RIC1: variants seen among roughly 807,000 people sequenced by gnomAD.
RIC1 encodes RIC1 partner of RAB6A GEF complex.
Under a neutral mutation model 169.0 loss-of-function variants are expected in RIC1, and 88 were observed. The observed-to-expected ratio is 0.52, with a 90% CI of 0.44 to 0.62. The LOEUF (loss-of-function observed/expected upper bound fraction) is 0.62. RIC1 is among the 20% of genes least tolerant of loss of function. The probability of loss-of-function intolerance (pLI) is 0.00; values close to 1 mark genes in which losing one functional copy is unlikely to be tolerated. For missense variants in RIC1, 1,877 were observed against 1,725.5 expected (o/e 1.09, Z -1.56); for synonymous variants, 790 against 601.5 (o/e 1.31, Z -4.59).
chr9:5,662,226 T>G (rs1186960938), intron 2 of RIC1, among the ~76,000 whole-genome samples: 2 of 152,090 alleles, frequency 1.3e-5, no homozygotes, highest in Admixed American at 6.6e-5. Flanking sequence ...TACTGGATAT[T>G]TGCCAGTATT....
intron 2 of RIC1, among the ~76,000 whole-genome samples, chr9:5,669,870 C>T (rs1022007491): frequency 6.6e-6 from 1 of 152,094 alleles, no homozygotes; most frequent in South Asian, 2.1e-4. Flanking sequence ...TGAAGACAGA[C>T]CAGGGTGATC....
At chr9:5,685,934 A>C (rs1821190634) in intron 2 of RIC1, among the ~76,000 whole-genome samples, 1 of 151,396 alleles carries the variant, frequency 6.6e-6, no homozygotes, top group Non-Finnish European at 1.5e-5. Context: ...TTACAAGAAA[A>C]AAACAAACAA....
At chr9:5,737,721 C>G (rs1056070721) in intron 7 of RIC1, among the ~76,000 whole-genome samples, 8 of 151,730 alleles carry the variant, frequency 5.3e-5, no homozygotes, top group African/African-American at 1.9e-4. Context: ...AGACTTTTAA[C>G]TACTAATAGC....
chr9:5,775,224 G>GTCC lies in RIC1; in HGVS notation c.*978_*979insTCC, dbSNP rs1827516240. The GTCC allele has an allele frequency of 1.3e-5, 2 of 152,214 alleles. No individual in the cohort carries two copies. Among genetic ancestry groups the GTCC allele is most frequent in the Admixed American group, 6.5e-5 (1 of 15,278 alleles). 9.4% of individuals were successfully genotyped at this position (152,214 alleles called of 1,614,324 possible). A position where few individuals can be genotyped will look rare whatever the true frequency, so the allele number is the denominator to read the frequency against. ...TTATTGCTTTTGTAAATTGAATAAA[G>GTCC]ATGGACTTCTATGTAAATAGACTGC... On this transcript the variant is annotated 3_prime_UTR_variant, in exon 26 of 26. Transcript: ENST00000414202.
chr9:5,650,367 A>T (rs1427736077), intron 1 of RIC1, among the ~76,000 whole-genome samples: 1 of 151,914 alleles, frequency 6.6e-6, no homozygotes, highest in African/African-American at 2.4e-5. Context: ...TCCAATCTCT[A>T]TGCTTGGGCC....
At chr9:5,732,694 T>C (rs1378898105) in intron 7 of RIC1, among the ~76,000 whole-genome samples, 2 of 152,316 alleles carry the variant, frequency 1.3e-5, no homozygotes, top group Middle Eastern at 3.4e-3. Flanking sequence ...TGTTAATTTG[T>C]AAAAGTTAGC....
intron 1 of RIC1, among the ~76,000 whole-genome samples, chr9:5,654,182 T>A (rs1818957555): frequency 6.6e-6 from 1 of 151,860 alleles, no homozygotes; most frequent in African/African-American, 2.4e-5. Context: ...TATTGTTTTG[T>A]TTGTAGAGAC....
chr9:5,713,665 T>C (rs180919001), intron 3 of RIC1: 4 of 301,856 alleles, frequency 1.3e-5, no homozygotes, highest in Middle Eastern at 9.5e-4. Flanking sequence ...TTCTCTGCTC[T>C]TCTTCCCACC....
At chr9:5,733,380 C>T (rs1824491901) in intron 7 of RIC1, among the ~76,000 whole-genome samples, 1 of 151,646 alleles carries the variant, frequency 6.6e-6, no homozygotes, top group African/African-American at 2.4e-5. Flanking sequence ...TCTCCTGCCT[C>T]AGCCTCCCGA....
chr9:5,653,684 G>A lies in RIC1; in HGVS notation c.145-2899G>A, dbSNP rs537288795. ...GCAGTCTTGGCTCACTGCAGCCTCC[G>A]TCTCCTGGGTTCAAGTGATTCTCCT... On this transcript the variant is annotated intron_variant, in intron 1 of 25. Coordinates refer to ENST00000414202, the MANE Select transcript of RIC1 (RefSeq NM_020829.4). Among the ~76,000 whole-genome samples the A allele has an allele frequency of 5.3e-4, 81 of 151,814 alleles. 1 individual carries two copies. Among genetic ancestry groups the A allele is most frequent in the Admixed American group, 1.1e-3 (16 of 15,230 alleles).
chr9:5,637,320 C>T (rs942805671), intron 1 of RIC1, among the ~76,000 whole-genome samples: 1 of 152,104 alleles, frequency 6.6e-6, no homozygotes, highest in Non-Finnish European at 1.5e-5. Context: ...CCATCCACCT[C>T]GGGCTCCCAA....
chr9:5,653,335 T>A (rs1039034418), intron 1 of RIC1, among the ~76,000 whole-genome samples: 4 of 152,200 alleles, frequency 2.6e-5, no homozygotes, highest in Admixed American at 2.0e-4. Context: ...TACTTTAGCT[T>A]TATAGTAAGT....
intron 3 of RIC1, among the ~76,000 whole-genome samples, chr9:5,695,286 G>C (rs1036066903): frequency 2.6e-5 from 4 of 152,302 alleles, no homozygotes; most frequent in African/African-American, 9.6e-5. Flanking sequence ...TAGTTAGTAA[G>C]AAATGATGAA....
intron 4 of RIC1, among the ~76,000 whole-genome samples, chr9:5,716,632 C>A (rs557836600): frequency 6.6e-6 from 1 of 152,082 alleles, no homozygotes; most frequent in Non-Finnish European, 1.5e-5. Flanking sequence ...ATTTAAGAAC[C>A]AATACAGCAT....
intron 3 of RIC1, among the ~76,000 whole-genome samples, chr9:5,694,255 CAA>C (rs765526214): frequency 5.9e-5 from 9 of 152,312 alleles, no homozygotes; most frequent in South Asian, 2.1e-4. Flanking sequence ...TTAAAGGTGA[CAA>C]GAGATCTGAA....
intron 3 of RIC1, among the ~76,000 whole-genome samples, chr9:5,707,706 CCTA>C (rs1437237724): frequency 6.6e-6 from 1 of 151,892 alleles, no homozygotes; most frequent in African/African-American, 2.4e-5. Context: ...CCACAGCCAC[CCTA>C]CTATTTGCAT....
chr9:5,757,596 T>A, intron 17 of RIC1, 145 bp downstream of exon 17: 1 of 762,728 alleles, frequency 1.3e-6, no homozygotes, highest in Non-Finnish European at 2.1e-6. Flanking sequence ...AGTGGCAAAT[T>A]AAAAAGACAT....
Position 5,629,266 on chromosome 9 carries a change from G to C in RIC1, c.-44G>C, listed in dbSNP as rs1437250984. The C allele has an allele frequency of 1.4e-6, 2 of 1,438,194 alleles. No individual in the cohort carries two copies. Among genetic ancestry groups the C allele is most frequent in the South Asian group, 1.3e-5 (1 of 74,214 alleles). The allele number at this position is 1,438,194 out of a possible 1,614,324, so 89.1% of individuals were successfully genotyped here. On this transcript the variant is annotated 5_prime_UTR_variant, in exon 1 of 26. Transcript: ENST00000414202. ...TGGGCGACCAGCCCGGGGCCGCTGA[G>C]TGTGACGGACGCAACTGGGGGCGCC...
intron 1 of RIC1, among the ~76,000 whole-genome samples, chr9:5,654,398 C>A (rs965966760): frequency 2.0e-5 from 3 of 152,104 alleles, no homozygotes; most frequent in African/African-American, 7.2e-5. Context: ...AGGTGACTGC[C>A]ACCATGTCCA....
Sources: allele counts gnomAD v4.1 joint callset (sites outside exome capture counted in the v4.1 genomes callset), GRCh38; gene constraint gnomAD v4.1.1; transcripts MANE v1.5; gene names NCBI Gene and HGNC (gene_info 2026-07-23, HGNC 2026-07-21).